The following TNRC6A variants were observed in gnomAD, a reference collection of about 807,000 sequenced individuals.
TNRC6A encodes the protein trinucleotide repeat containing adaptor 6A, also known as trinucleotide repeat-containing gene 6A protein.
TNRC6A carries 44 observed loss-of-function variants against 221.2 expected under a neutral mutation model. The ratio of observed to expected loss-of-function variants is 0.20; its 90% confidence interval spans 0.16 to 0.26. The LOEUF (loss-of-function observed/expected upper bound fraction) is 0.26, where lower values mean the gene tolerates loss of function less well. Among genes scored for constraint, TNRC6A ranks in the 10% least tolerant of loss-of-function variants. The pLI is 1.00. For synonymous variants in TNRC6A, 847 were observed against 838.5 expected, an observed-to-expected ratio of 1.01 and a Z score of -0.18; for missense variants, 2,199 against 2,404.4, an observed-to-expected ratio of 0.91 and a Z score of 1.79.
intron 4 of TNRC6A, chr16:24,776,194 A>G: frequency 1.1e-6 from 1 of 904,846 alleles, no homozygotes; most frequent in Non-Finnish European, 1.3e-6. Context: ...AGCTTAAGGC[A>G]TTTCCATCCG....
At chr16:24,814,374 C>T (rs1182368484) in intron 18 of TNRC6A, among the ~76,000 whole-genome samples, 1 of 148,678 alleles carries the variant, frequency 6.7e-6, no homozygotes, top group Non-Finnish European at 1.5e-5. Context: ...AAATTTACTC[C>T]TTCTGGTGTC....
intron 19 of TNRC6A, chr16:24,815,601 A>C: frequency 2.8e-6 from 1 of 358,066 alleles, no homozygotes; most frequent in Non-Finnish European, 5.4e-6. Flanking sequence ...CATGCCAGTA[A>C]TCCCAGCACT....
In TNRC6A at chr16:24,806,580, C is replaced by T. The variant is rs2058436830; in HGVS notation, c.4336C>T (p.Pro1446Ser). 2.5e-6 allele frequency: 4 copies of T among 1,614,164 alleles called. No homozygotes were observed. The highest frequency in any genetic ancestry group is 1.1e-5 in the South Asian group (1 of 91,082). ...NRPQQDQQGR[P>S]LSVQQQMMQQ... The stretch of plus-strand genomic sequence containing the variant: ...ATCATTTCATTGTTTTAAGGGTCGA[C>T]CTCTTAGTGTGCAGCAGCAAATGAT... Residue 1446 changes from proline (P) to serine (S), a missense_variant, in exon 17 of 25, where the codon CCT becomes TCT. This residue lies in a region of TNRC6A where 449 missense variants were observed against 579.7 expected (regional missense o/e 0.77). Transcript: ENST00000395799.
chr16:24,665,079 T>C, intron 2 of TNRC6A: 2 of 433,716 alleles, frequency 4.6e-6, no homozygotes, highest in Non-Finnish European at 4.7e-6. Context: ...TGTTTATTTA[T>C]GTTAGAGACA....
chr16:24,687,949 C>A, intron 2 of TNRC6A, among the ~76,000 whole-genome samples: 1 of 76,034 alleles, frequency 1.3e-5, no homozygotes, highest in East Asian at 4.4e-4. Flanking sequence ...CTTTTCTTTT[C>A]TTTTCTTTTT....
At chr16:24,643,234 C>G (rs1902091772) in intron 2 of TNRC6A, among the ~76,000 whole-genome samples, 1 of 150,500 alleles carries the variant, frequency 6.6e-6, no homozygotes, top group Non-Finnish European at 1.5e-5. Flanking sequence ...ATTCCTGCCC[C>G]ATGCAGAAGG....
Position 24,673,794 on chromosome 16 carries a change from G to A in TNRC6A, n.402+32785G>A, listed in dbSNP as rs2055353287. 2.0e-5 allele frequency among the ~76,000 whole-genome samples: 3 copies of A among 152,172 alleles called. No homozygotes were observed. In the South Asian group the frequency reaches 6.2e-4, roughly 32 times the overall value. ...GCTGGTCTTGAACTCCTGGGCTCAA[G>A]CGAACTACCCACTTCGGCCTCCCAG... On this transcript the variant is annotated intron_variant and non_coding_transcript_variant, in intron 2 of 2. Coordinates refer to the TNRC6A transcript ENST00000566108.
chr16:24,782,857 G>A (rs1181373159), intron 5 of TNRC6A, among the ~76,000 whole-genome samples: 1 of 152,094 alleles, frequency 6.6e-6, no homozygotes, highest in Non-Finnish European at 1.5e-5. Context: ...GGGCGACAGA[G>A]CAAGACTCCG....
intron 2 of TNRC6A, among the ~76,000 whole-genome samples, chr16:24,741,358 TTGTCAGATGCTTTTTCTG>T (rs2056888278): frequency 6.6e-6 from 1 of 152,212 alleles, no homozygotes; most frequent in African/African-American, 2.4e-5. Flanking sequence ...ATACTGGATT[TTGTCAGATGCTTTTTCTG>T]TGTCTCTTGA....
intron 2 of TNRC6A, among the ~76,000 whole-genome samples, chr16:24,745,497 T>C (rs141901321): frequency 1.3e-5 from 2 of 152,118 alleles, no homozygotes; most frequent in African/African-American, 2.4e-5. Context: ...AGATGTAAAG[T>C]GTATTTTTAT....
chr16:24,625,732 CAAAACAAAAAAAAAAAA>C (rs1267752588), intron 1 of TNRC6A, among the ~76,000 whole-genome samples: 1 of 78,528 alleles, frequency 1.3e-5, no homozygotes, highest in African/African-American at 4.9e-5. Flanking sequence ...GACTCCGTCT[CAAAACAAAAAAAAAAAA>C]AAAAAAAAAA....
At chr16:24,671,101 A>G (rs1216593417) in intron 2 of TNRC6A, 1 of 261,480 alleles carries the variant, frequency 3.8e-6, no homozygotes, top group African/African-American at 2.3e-5. Context: ...CGCCAAGGTC[A>G]CCCACCACCA....
chr16:24,747,214 A>G (rs2057032477), intron 2 of TNRC6A, among the ~76,000 whole-genome samples: 1 of 152,234 alleles, frequency 6.6e-6, no homozygotes, highest in African/African-American at 2.4e-5. Flanking sequence ...ATGATTTGAC[A>G]AATGTATACA....
intron 2 of TNRC6A, among the ~76,000 whole-genome samples, chr16:24,661,109 G>A (rs1046332179): frequency 6.6e-6 from 1 of 151,984 alleles, no homozygotes; most frequent in Non-Finnish European, 1.5e-5. Context: ...AGCTTTAGGG[G>A]TACAGGTGGC....
At chr16:24,809,183 C>G (rs1259378183) in intron 17 of TNRC6A, among the ~76,000 whole-genome samples, 167 bp from the exon 18 acceptor site, 1 of 152,062 alleles carries the variant, frequency 6.6e-6, no homozygotes, top group African/African-American at 2.4e-5. Flanking sequence ...AATAAATCAT[C>G]AAAATTTTAT....
At chr16:24,666,402 G>A (rs1229419317) in intron 2 of TNRC6A, among the ~76,000 whole-genome samples, 1 of 150,434 alleles carries the variant, frequency 6.6e-6, no homozygotes, top group Non-Finnish European at 1.5e-5. Context: ...GAACCCGGGA[G>A]GCAGAGCTTG....
At chr16:24,807,365 A>G (rs1181188870) in intron 17 of TNRC6A, among the ~76,000 whole-genome samples, 3 of 152,192 alleles carry the variant, frequency 2.0e-5, no homozygotes, top group Admixed American at 6.5e-5. Flanking sequence ...AATAAAGGAA[A>G]CATTTCACTT....
chr16:24,640,972 G>A (rs1325979580), exon 2 of TNRC6A: 2 of 152,256 alleles, frequency 1.3e-5, no homozygotes, highest in East Asian at 1.9e-4. Flanking sequence ...CAGGTGTCCT[G>A]GCTCTCAAGA....
chr16:24,660,031 G>T (rs2054995933), intron 2 of TNRC6A, among the ~76,000 whole-genome samples: 2 of 151,772 alleles, frequency 1.3e-5, no homozygotes, highest in Non-Finnish European at 2.9e-5. Flanking sequence ...TCTGTTGGAA[G>T]CTGATGCTGT....
Sources: gnomAD v4.1 joint callset for allele counts (sites outside exome capture counted in the v4.1 genomes callset) on GRCh38, gnomAD v4.1.1 for gene constraint, gnomAD v4.1.1 regional missense constraint, MANE v1.5 for transcripts, NCBI Gene and HGNC (gene_info 2026-07-23, HGNC 2026-07-21) for gene names.